SPATA33: variants seen among roughly 807,000 people sequenced by gnomAD.
The protein encoded by SPATA33 is spermatogenesis associated 33, also known as spermatogenesis-associated protein 33.
A neutral mutation model predicts 8.9 loss-of-function variants in SPATA33; 10 were observed. The ratio of observed to expected loss-of-function variants is 1.12; its 90% confidence interval spans 0.69 to 1.90. SPATA33 has a LOEUF of 1.90. SPATA33 is among the 40% of genes most tolerant of loss of function. The probability of loss-of-function intolerance (pLI) is 0.00; values close to 1 mark genes in which losing one functional copy is unlikely to be tolerated. For missense variants in SPATA33, 241 were observed against 178.3 expected (o/e 1.35, Z -2.00); for synonymous variants, 96 against 72.8 (o/e 1.32, Z -1.63).
chr16:89,666,178 G>GT (rs1269581989), intron 2 of SPATA33, among the ~76,000 whole-genome samples: 1 of 152,138 alleles, frequency 6.6e-6, no homozygotes, highest in Non-Finnish European at 1.5e-5. Context: ...GTAGGTTAGA[G>GT]TAAAAAAAAG....
Position 89,669,534 on chromosome 16 carries a change from A to G in SPATA33, c.*37A>G, listed in dbSNP as rs201189085. On this transcript the variant is annotated 3_prime_UTR_variant, in exon 3 of 3. Coordinates refer to ENST00000579310, the MANE Select transcript of SPATA33 (RefSeq NM_001271907.2). ...TGCATGGCACTCGCTACTCCCTGCG[A>G]TAGGCGTCTCGGGAACAGCCGCCTC... 1.4e-5 allele frequency: 22 copies of G among 1,598,104 alleles called. No homozygotes were observed. In the East Asian group the frequency reaches 2.7e-4, roughly 19 times the overall value.
chr16:89,666,800 C>T lies in SPATA33; in HGVS notation c.212-2486C>T, dbSNP rs2060032097. On this transcript the variant is annotated intron_variant, in intron 2 of 2. Transcript: ENST00000579310. Reference sequence around the variant, plus strand: ...GTCATGTGTCCACTGGACAGGGGGCCCTTCCCTGCCTGGCAGCCAAGGCAG... The same window carrying T: ...GTCATGTGTCCACTGGACAGGGGGCTCTTCCCTGCCTGGCAGCCAAGGCAG... Among the ~76,000 whole-genome samples, 6 of 152,226 alleles carry T rather than the reference C, an allele frequency of 3.9e-5. No homozygotes were observed. The South Asian group carries it at 1.0e-3, about 26-fold the overall frequency.
intron 2 of SPATA33, among the ~76,000 whole-genome samples, chr16:89,667,588 A>G (rs1045040437): frequency 2.6e-5 from 4 of 152,316 alleles, no homozygotes; most frequent in Admixed American, 1.3e-4. Flanking sequence ...ATTTGAGCCC[A>G]GGAAGTTGAG....
At chr16:89,663,609 T>C (rs944630327) in intron 2 of SPATA33, among the ~76,000 whole-genome samples, 1 of 152,086 alleles carries the variant, frequency 6.6e-6, no homozygotes, top group Non-Finnish European at 1.5e-5. Flanking sequence ...AGATTGTTGA[T>C]TGCTAGGGCC....
intron 2 of SPATA33, among the ~76,000 whole-genome samples, chr16:89,665,560 C>T (rs541356478): frequency 6.4e-4 from 83 of 129,848 alleles, no homozygotes; most frequent in Middle Eastern, 0.014. Flanking sequence ...GTGATCCGCC[C>T]GCATCGGCCT....
chr16:89,659,009 C>T (rs1195673940), intron 2 of SPATA33: 1 of 153,314 alleles, frequency 6.5e-6, no homozygotes, highest in Non-Finnish European at 1.5e-5. Context: ...ATATTTTAAA[C>T]AACGGAGGTG....
chr16:89,669,487 T>G lies in SPATA33; in HGVS notation c.413T>G (p.Leu138Arg). 3 of 1,612,384 alleles carry G rather than the reference T, an allele frequency of 1.9e-6. No homozygotes were observed. Among genetic ancestry groups the G allele is most frequent in the Non-Finnish European group, 2.5e-6 (3 of 1,179,952 alleles). ...PSTADAYNSH[L>R]KE is the part of the protein sequence containing the mutation. ...ACAGCAGACGCCTATAATTCACATC[T>G]CAAAGAATAAACAAGCACCTTTGCA... The change falls in exon 3 of 3, where the codon CTC becomes CGC. Residue 138 changes from leucine to arginine, a missense_variant. Leu to Arg is a moderately radical substitution (Grantham distance 102). Coordinates refer to ENST00000579310, the MANE Select transcript of SPATA33 (RefSeq NM_001271907.2).
intron 2 of SPATA33, among the ~76,000 whole-genome samples, chr16:89,662,006 C>G (rs1040862179): frequency 1.3e-5 from 2 of 152,000 alleles, no homozygotes; most frequent in African/African-American, 4.8e-5. Context: ...TAAAGATACT[C>G]AGAATGCCAG....
chr16:89,665,872 G>A (rs375114666), intron 2 of SPATA33, among the ~76,000 whole-genome samples: 1 of 152,052 alleles, frequency 6.6e-6, no homozygotes, highest in African/African-American at 2.4e-5. Flanking sequence ...TTGAGGTCAG[G>A]AGTTCAAGAC....
chr16:89,669,544 C>G lies in SPATA33; in HGVS notation c.*47C>G, dbSNP rs368748329. The G allele has an allele frequency of 6.3e-7, 1 of 1,575,830 alleles. No homozygotes were observed. The highest frequency in any genetic ancestry group is 8.7e-7 in the Non-Finnish European group (1 of 1,153,446). ...TCGCTACTCCCTGCGATAGGCGTCT[C>G]GGGAACAGCCGCCTCACCCTGTGAG... On this transcript the variant is annotated 3_prime_UTR_variant, in exon 3 of 3. Transcript: ENST00000579310.
At chr16:89,663,992 G>T (rs965372746) in intron 2 of SPATA33, among the ~76,000 whole-genome samples, 6 of 152,094 alleles carry the variant, frequency 3.9e-5, no homozygotes, top group Non-Finnish European at 8.8e-5. Flanking sequence ...AGTGGAGTGT[G>T]CCTGTAGCCC....
rs1395645518 is a variant in SPATA33, at chr16:89,660,355, G to T, written c.211+1934G>T. On this transcript the variant is annotated intron_variant, in intron 2 of 2. Coordinates refer to ENST00000579310, the MANE Select transcript of SPATA33 (RefSeq NM_001271907.2). ...GGGCTGGAGGGAGCTGTGAAGCATG[G>T]GAGTGGGCAGGACCTCTGCCAGTAA... 4 of 653,562 alleles carry T rather than the reference G, an allele frequency of 6.1e-6. No homozygotes were observed. The East Asian group carries it at 1.0e-4, about 17-fold the overall frequency. The allele number at this position is 653,562 out of a possible 1,614,324, so 40.5% of individuals were successfully genotyped here. A position where few individuals can be genotyped will look rare whatever the true frequency, so the allele number is the denominator to read the frequency against.
At chr16:89,663,241 CTTT>C (rs35836835) in intron 2 of SPATA33, among the ~76,000 whole-genome samples, 11 of 138,154 alleles carry the variant, frequency 8.0e-5, no homozygotes, top group Non-Finnish European at 7.8e-5. Flanking sequence ...GATTCCATTT[CTTT>C]TTTTTTTTTT....
chr16:89,658,637 C>T (rs1035894753), intron 2 of SPATA33: 1 of 660,334 alleles, frequency 1.5e-6, no homozygotes, highest in Non-Finnish European at 2.5e-6. Context: ...GGTCAGTTCC[C>T]GAGTGATAAG....
At chr16:89,665,635 C>G (rs567263502) in intron 2 of SPATA33, among the ~76,000 whole-genome samples, 1 of 152,218 alleles carries the variant, frequency 6.6e-6, no homozygotes, top group African/African-American at 2.4e-5. Flanking sequence ...AATGAAGAAA[C>G]TATACTTTGA....
Position 89,669,434 on chromosome 16 carries a change from C to A in SPATA33, c.360C>A (p.Gly120=). The A allele has an allele frequency of 6.2e-7, 1 of 1,613,966 alleles. No homozygotes were observed. Residue 120 remains glycine (G), a synonymous_variant, in exon 3 of 3, where the codon GGC becomes GGA. Transcript: ENST00000579310. The stretch of plus-strand genomic sequence containing the variant: ...CCATTCGGGAGCCGGAGGACTGGGG[C>A]CCCTACCGGCGGCACAGGAACCCCA... The part of the protein sequence containing the change: ...QRTIREPEDW[G]PYRRHRNPST...
intron 2 of SPATA33, among the ~76,000 whole-genome samples, chr16:89,665,011 CTGTTT>C (rs2060007339): frequency 6.6e-6 from 1 of 152,172 alleles, no homozygotes; most frequent in Non-Finnish European, 1.5e-5. Context: ...TTTATTCTTT[CTGTTT>C]TGTTTCTGAG....
At chr16:89,658,201 C>G in intron 1 of SPATA33, 47 bp from the exon 2 acceptor site, 2 of 1,609,738 alleles carry the variant, frequency 1.2e-6, no homozygotes, top group Non-Finnish European at 1.7e-6. Flanking sequence ...ACCCACTGCC[C>G]TGCATTCGGT....
chr16:89,662,101 G>C (rs1488790363), intron 2 of SPATA33, among the ~76,000 whole-genome samples: 1 of 152,072 alleles, frequency 6.6e-6, no homozygotes, highest in Non-Finnish European at 1.5e-5. Context: ...AGACCAGCAT[G>C]GCCAACATGG....
Sources: allele counts gnomAD v4.1 joint callset (sites outside exome capture counted in the v4.1 genomes callset), GRCh38; gene constraint gnomAD v4.1.1; transcripts MANE v1.5; gene names NCBI Gene and HGNC (gene_info 2026-07-23, HGNC 2026-07-21).